The following LPL variants were observed in gnomAD, a reference collection of about 807,000 sequenced individuals.
The protein encoded by LPL is phospholipase A1.
Under a neutral mutation model 52.2 loss-of-function variants are expected in LPL, and 43 were observed. The observed-to-expected ratio is 0.82, with a 90% confidence interval of 0.64 to 1.06. LPL has a LOEUF of 1.06. LPL is among the 50% of genes least tolerant of loss of function. LPL has a pLI of 0.00. For synonymous variants in LPL, 244 were observed against 215.6 expected (o/e 1.13, Z -1.15); for missense variants, 639 against 585.3 (o/e 1.09, Z -0.95).
At chr8:19,949,124 C>T (rs1358096642) in intron 2 of LPL, among the ~76,000 whole-genome samples, 1 of 152,130 alleles carries the variant, frequency 6.6e-6, no homozygotes, top group African/African-American at 2.4e-5. Flanking sequence ...AGTGAGTAGA[C>T]TGTGTAATTT....
At chr8:19,951,434 A>G (rs1305232803) in intron 2 of LPL, among the ~76,000 whole-genome samples, 2 of 152,164 alleles carry the variant, frequency 1.3e-5, no homozygotes, top group Non-Finnish European at 2.9e-5. Context: ...AGTTTCCTCA[A>G]AGACCCACTT....
Position 19,950,457 on chromosome 8 carries a change from A to C in LPL, c.250-1312A>C, listed in dbSNP as rs1227601383. Among the ~76,000 whole-genome samples, 4 of 152,206 alleles carry C rather than the reference A, an allele frequency of 2.6e-5. No homozygotes were observed. The highest frequency in any genetic ancestry group is 5.9e-5 in the Non-Finnish European group (4 of 68,028). Reference sequence around the variant, plus strand: ...CTATTGTTCGGTTAATAAAAATGTCAGCCACTGTAGGAGTAAGTTGGATGT... The same window carrying C: ...CTATTGTTCGGTTAATAAAAATGTCCGCCACTGTAGGAGTAAGTTGGATGT... On this transcript the variant is annotated intron_variant, in intron 2 of 9. Coordinates refer to ENST00000650287, the MANE Select transcript of LPL (RefSeq NM_000237.3). This position sits in a 1 kb window ranked among gnomAD's most constrained non-coding sequence, Gnocchi z 4.2.
chr8:19,945,488 A>G (rs2069875346), intron 1 of LPL, among the ~76,000 whole-genome samples: 1 of 152,264 alleles, frequency 6.6e-6, no homozygotes, highest in Non-Finnish European at 1.5e-5. Flanking sequence ...TAAAAGTGAA[A>G]TGAAAGTCTC....
At chr8:19,962,403 C>T (rs924196882) in intron 9 of LPL, among the ~76,000 whole-genome samples, 184 bp downstream of exon 9, 2 of 152,162 alleles carry the variant, frequency 1.3e-5, no homozygotes, top group African/African-American at 4.8e-5. Context: ...TTATGCAATA[C>T]TTCCTCTTTT....
chr8:19,940,040 G>A (rs555616718), intron 1 of LPL, among the ~76,000 whole-genome samples: 1 of 152,202 alleles, frequency 6.6e-6, no homozygotes, highest in Non-Finnish European at 1.5e-5. Flanking sequence ...GGCGCGGGGA[G>A]GCGTTCCGGG....
In LPL at chr8:19,939,466, T is replaced by C. The variant is rs1371129158; in HGVS notation, c.26T>C (p.Leu9Pro). Residue 9 changes from leucine (L) to proline (P), a missense_variant, in exon 1 of 10, where the codon CTG (leucine) becomes CCG (proline). Transcript: ENST00000650287. The surrounding 1 kb of genome is among the most constrained non-coding windows in gnomAD (Gnocchi z 4.0). ...ATGGAGAGCAAAGCCCTGCTCGTGC[T>C]GACTCTGGCCGTGTGGCTCCAGAGT... Reference protein sequence around the residue: MESKALLVLTLAVWLQSLT... With the variant: MESKALLVPTLAVWLQSLT... 4 of 1,610,960 alleles carry C rather than the reference T, an allele frequency of 2.5e-6. No homozygotes were observed. In the South Asian group the frequency reaches 4.4e-5, roughly 18 times the overall value.
rs1395158674 is a variant in LPL at position 19,952,287 on chromosome 8, T to C, written c.429+339T>C. ...TTCAGCCAGACCCTTCCCTACCAGT[T>C]GGCTGGCCTGTGGACATCTTATCCT... is the stretch of plus-strand genomic sequence containing the variant. On this transcript the variant is annotated intron_variant, in intron 3 of 9. Coordinates refer to ENST00000650287, the MANE Select transcript of LPL (RefSeq NM_000237.3). Among the ~76,000 whole-genome samples the C allele has an allele frequency of 2.6e-5, 4 of 152,234 alleles. No individual in the cohort carries two copies. In the East Asian group the frequency reaches 7.7e-4, roughly 29 times the overall value.
chr8:19,952,033 T>C, intron 3 of LPL, 85 bp downstream of exon 3: 2 of 1,469,972 alleles, frequency 1.4e-6, no homozygotes, highest in Non-Finnish European at 1.9e-6. Flanking sequence ...CTTCCTTTTC[T>C]CTTAGATTTA....
chr8:19,965,855 C>A lies in LPL; in HGVS notation c.*545C>A, dbSNP rs1209451916. The A allele has an allele frequency of 6.5e-6, 1 of 152,782 alleles. No homozygotes were observed. Among genetic ancestry groups the A allele is most frequent in the East Asian group, 1.9e-4 (1 of 5,208 alleles). 9.5% of individuals were successfully genotyped at this position (152,782 alleles called of 1,614,324 possible). On this transcript the variant is annotated 3_prime_UTR_variant, in exon 10 of 10. Coordinates refer to ENST00000650287, the MANE Select transcript of LPL (RefSeq NM_000237.3). ...ATGTGGTCCAGACGTCAACCAGGAACATGTAACTTGGAGAGGGACGAAGAA... is the reference window on the plus strand; with the variant it reads ...ATGTGGTCCAGACGTCAACCAGGAAAATGTAACTTGGAGAGGGACGAAGAA...
At chr8:19,964,690 A>G (rs1405620769) in intron 9 of LPL, among the ~76,000 whole-genome samples, 1 of 151,898 alleles carries the variant, frequency 6.6e-6, no homozygotes, top group Non-Finnish European at 1.5e-5. Context: ...TACCATGCCC[A>G]GCTAATTTTT....
intron 4 of LPL, among the ~76,000 whole-genome samples, 180 bp downstream of exon 4, chr8:19,953,601 C>G (rs1430365866): frequency 1.3e-5 from 2 of 152,202 alleles, no homozygotes; most frequent in Admixed American, 6.5e-5. Context: ...CACAGACGCT[C>G]TCACTGGCTT....
intron 6 of LPL, 115 bp from the exon 7 acceptor site, chr8:19,959,145 C>T: frequency 7.9e-7 from 1 of 1,267,216 alleles, no homozygotes. Flanking sequence ...CATGTGTGTG[C>T]ACTTCCGGTT....
In LPL at chr8:19,954,211, A is replaced by G. The variant is rs1563575079; in HGVS notation, c.633A>G (p.Thr211=). ...CAGATTTTGTAGACGTCTTACACAC[A>G]TTCACCAGAGGGTCCCCTGGTCGAA... ...DDADFVDVLH[T]FTRGSPGRSI... The change falls in exon 5 of 10, where the codon ACA becomes ACG. Residue 211 remains threonine (T), a synonymous_variant. Coordinates refer to ENST00000650287, the MANE Select transcript of LPL (RefSeq NM_000237.3). The G allele has an allele frequency of 6.2e-7, 1 of 1,614,164 alleles. No individual in the cohort carries two copies. The highest frequency in any genetic ancestry group is 1.3e-5 in the African/African-American group (1 of 75,028).
rs1192597209 is a variant in LPL at position 19,948,330 on chromosome 8, A to G, written c.239A>G (p.His80Arg). ...AGCAGCAAAACCTTCATGGTGATCC[A>G]TGGCTGGACGGTAAGGGAGGCTCTT... ...NHSSKTFMVI[H>R]GWTVTGMYES... Residue 80 changes from histidine (H) to arginine (R), a missense_variant, in exon 2 of 10, where the codon CAT (histidine) becomes CGT (arginine). Transcript: ENST00000650287. 6.2e-7 allele frequency: 1 copy of G among 1,613,884 alleles called. No individual in the cohort carries two copies. The highest frequency in any genetic ancestry group is 1.7e-5 in the Admixed American group (1 of 60,018).
chr8:19,965,751 G>T lies in LPL; in HGVS notation c.*441G>T. The stretch of plus-strand genomic sequence containing the variant: ...CTAAGTCTCCAAGAATACAGAAAAT[G>T]CTTTTCCGCGGCACGAATCAGACTC... On this transcript the variant is annotated 3_prime_UTR_variant, in exon 10 of 10. Transcript: ENST00000650287. The T allele has an allele frequency of 1.3e-5, 2 of 158,220 alleles. No homozygotes were observed. The highest frequency in any genetic ancestry group is 1.4e-5 in the Non-Finnish European group (1 of 72,266). 9.8% of individuals were successfully genotyped at this position (158,220 alleles called of 1,614,324 possible).
chr8:19,954,486 C>T, intron 5 of LPL, 133 bp downstream of exon 5: 1 of 868,016 alleles, frequency 1.2e-6, no homozygotes, highest in South Asian at 1.5e-5. Flanking sequence ...CTGAAGAATT[C>T]TGCAATGTTC....
In LPL at chr8:19,939,273, T is replaced by TTCC. The variant is rs1028935900; in HGVS notation, c.-159_-157dup. On this transcript the variant is annotated 5_prime_UTR_variant, in exon 1 of 10. Coordinates refer to ENST00000650287, the MANE Select transcript of LPL (RefSeq NM_000237.3). The surrounding 1 kb of genome is among the most constrained non-coding windows in gnomAD (Gnocchi z 4.0). ...ACAGTGTCAGACTCGATTCCCCCTCTTCCTCCTCCTCAAGGGAAAGCTGCC... is the reference window on the plus strand; with the variant it reads ...ACAGTGTCAGACTCGATTCCCCCTCTTCCTCCTCCTCCTCAAGGGAAAGCTGCC... 17 of 627,656 alleles carry TTCC rather than the reference T, an allele frequency of 2.7e-5. No homozygotes were observed. In the East Asian group the frequency reaches 4.4e-4, roughly 16 times the overall value. The allele number at this position is 627,656 out of a possible 1,614,324, so 38.9% of individuals were successfully genotyped here.
Position 19,955,954 on chromosome 8 carries a change from T to C in LPL, c.889T>C (p.Phe297Leu). The C allele has an allele frequency of 6.2e-7, 1 of 1,614,170 alleles. No homozygotes were observed. Among genetic ancestry groups the C allele is most frequent in the Non-Finnish European group, 8.5e-7 (1 of 1,180,036 alleles). Reference sequence around the variant, plus strand: ...CTACAGGTGCAGTTCCAAGGAAGCCTTTGAGAAAGGGCTCTGCTTGAGTTG... The same window carrying C: ...CTACAGGTGCAGTTCCAAGGAAGCCCTTGAGAAAGGGCTCTGCTTGAGTTG... The part of the protein sequence containing the change: ...KAYRCSSKEA[F>L]EKGLCLSCRK... Residue 297 changes from phenylalanine to leucine, a missense_variant, in exon 6 of 10, where the codon TTT (phenylalanine) becomes CTT (leucine). Physicochemically the swap from Phe to Leu is conservative, Grantham distance 22 (BLOSUM62 0). Transcript: ENST00000650287.
chr8:19,939,744 C>T lies in LPL; in HGVS notation c.88+216C>T, dbSNP rs2069814381. 6.6e-6 allele frequency among the ~76,000 whole-genome samples: 1 copy of T among 152,204 alleles called. No homozygotes were observed. The highest frequency in any genetic ancestry group is 1.5e-5 in the Non-Finnish European group (1 of 68,046). On this transcript the variant is annotated intron_variant, in intron 1 of 9. Transcript: ENST00000650287. The surrounding 1 kb of genome is among the most constrained non-coding windows in gnomAD (Gnocchi z 4.0). ...GATCGTGAAGCGGCGGCGCCCAGTT[C>T]CCGCTTTTTCTCTCTGCCGGGTTCC...
Sources: gnomAD v4.1 joint callset for allele counts (sites outside exome capture counted in the v4.1 genomes callset) on GRCh38, gnomAD v4.1.1 for gene constraint, Gnocchi (gnomAD v3.1) non-coding constraint, MANE v1.5 for transcripts, NCBI Gene and HGNC (gene_info 2026-07-23, HGNC 2026-07-21) for gene names.